Variants in SEZ6L observed in about 807,000 individuals in gnomAD.
SEZ6L encodes seizure 6-like protein.
In SEZ6L, 37 loss-of-function variants were observed where a neutral mutation model predicts 106.2. The observed-to-expected ratio is 0.35, with a 90% CI of 0.27 to 0.46. The LOEUF is 0.46. Among genes scored for constraint, SEZ6L ranks in the 20% least tolerant of loss-of-function variants. The pLI is 1.00. For synonymous variants in SEZ6L, 541 were observed against 570.4 expected (o/e 0.95, Z 0.73); for missense variants, 1,172 against 1,332.8 (o/e 0.88, Z 1.88).
At chr22:26,332,026 A>G (rs1215503967) in intron 9 of SEZ6L, among the ~76,000 whole-genome samples, 1 of 152,180 alleles carries the variant, frequency 6.6e-6, no homozygotes, top group African/African-American at 2.4e-5. Flanking sequence ...GATGTCTGTA[A>G]TACAAAAATC....
Position 26,247,563 on chromosome 22 carries a change from G to A in SEZ6L, c.95-44843G>A, listed in dbSNP as rs527315300. Reference sequence around the variant, plus strand: ...GAGAGTGATGCAACTGCAAGCCGAGGAACACCAAGGATTGCCAGGGGCCAC... The same window carrying A: ...GAGAGTGATGCAACTGCAAGCCGAGAAACACCAAGGATTGCCAGGGGCCAC... On this transcript the variant is annotated intron_variant, in intron 1 of 16. Coordinates refer to ENST00000248933, the MANE Select transcript of SEZ6L (RefSeq NM_021115.5). Among the ~76,000 whole-genome samples, 5 of 152,198 alleles carry A rather than the reference G, an allele frequency of 3.3e-5. No homozygotes were observed. In the East Asian group the frequency reaches 9.7e-4, roughly 29 times the overall value.
intron 9 of SEZ6L, among the ~76,000 whole-genome samples, chr22:26,324,233 A>C (rs73158635): frequency 0.1 from 15,186 of 152,148 alleles, 788 homozygotes; most frequent in Middle Eastern, 0.18. Context: ...TACTGCGAAC[A>C]TACATCCATC....
intron 12 of SEZ6L, among the ~76,000 whole-genome samples, chr22:26,361,939 C>T (rs1358754704): frequency 6.6e-6 from 1 of 152,050 alleles, no homozygotes; most frequent in Non-Finnish European, 1.5e-5. Context: ...AGGATATTTT[C>T]AGAGGAATCA....
rs2081907694 is a variant in SEZ6L, at chr22:26,313,582, A to ACACACACACACACACG, written c.1877-167_1877-166insGCACACACACACACAC. 4.0e-5 allele frequency among the ~76,000 whole-genome samples: 3 copies of ACACACACACACACACG among 75,326 alleles called. No individual in the cohort carries two copies. In the South Asian group the frequency reaches 1.6e-3, roughly 40 times the overall value. The allele number at this position is 75,326 out of a possible 152,430, so 49.4% of individuals were successfully genotyped here. ...TCTCATTTAATCATTACACACACACACACACACACACACACACACACGCAC... is the reference window on the plus strand; with the variant it reads ...TCTCATTTAATCATTACACACACACACACACACACACACACGCACACACACACACACACACACGCAC... On this transcript the variant is annotated intron_variant, in intron 8 of 16. Coordinates refer to ENST00000248933, the MANE Select transcript of SEZ6L (RefSeq NM_021115.5).
intron 7 of SEZ6L, 36 bp downstream of exon 7, chr22:26,310,872 G>C: frequency 6.2e-7 from 1 of 1,602,418 alleles, no homozygotes; most frequent in Middle Eastern, 1.7e-4. Context: ...TCTCTTGTGG[G>C]GCTGGGGGTA....
chr22:26,340,429 C>T lies in SEZ6L; in HGVS notation c.2016-7C>T. 1 of 1,608,068 alleles carries T rather than the reference C, an allele frequency of 6.2e-7. No homozygotes were observed. The highest frequency in any genetic ancestry group is 2.2e-5 in the East Asian group (1 of 44,798). On this transcript the variant is annotated splice_polypyrimidine_tract_variant and splice_region_variant and intron_variant, in intron 9 of 16. Transcript: ENST00000248933. Reference sequence around the variant, plus strand: ...CACATGACTCTCCCTCTTCTCTGCCCTCCAAGCCTGAATCTGAGCAACAGT... The same window carrying T: ...CACATGACTCTCCCTCTTCTCTGCCTTCCAAGCCTGAATCTGAGCAACAGT...
chr22:26,200,087 G>T lies in SEZ6L; in HGVS notation c.94+30324G>T, dbSNP rs570498921. 5.3e-5 allele frequency among the ~76,000 whole-genome samples: 8 copies of T among 152,330 alleles called. No homozygotes were observed. In the South Asian group the frequency reaches 1.5e-3, roughly 28 times the overall value. ...GAAATGGTGGGGATGGGACTGGAAT[G>T]TAGCACTGCTTCCCAAGCATTCCTG... On this transcript the variant is annotated intron_variant, in intron 1 of 16. Transcript: ENST00000248933.
Position 26,292,903 on chromosome 22 carries a change from G to C in SEZ6L, c.592G>C (p.Ala198Pro). Reference protein sequence around the residue: ...RKESAVPTTPAPLQISPFTSQ... With the variant: ...RKESAVPTTPPPLQISPFTSQ... ...GGAGAGTGCGGTCCCTACAACACCC[G>C]CACCCCTGCAAATCTCCCCCTTCAC... The change falls in exon 2 of 17, where the codon GCA becomes CCA. Residue 198 changes from alanine (A) to proline (P), a missense_variant. By Grantham distance (27) the Ala-to-Pro change is conservative. Coordinates refer to ENST00000248933, the MANE Select transcript of SEZ6L (RefSeq NM_021115.5). The C allele has an allele frequency of 3.1e-6, 5 of 1,614,068 alleles. No individual in the cohort carries two copies. The highest frequency in any genetic ancestry group is 4.2e-6 in the Non-Finnish European group (5 of 1,179,990).
At position 26,373,631 on chromosome 22, in the gene SEZ6L, T is replaced by C. The variant is rs1185143654; in HGVS notation, c.2827+148T>C. The C allele has an allele frequency of 5.7e-6, 4 of 697,188 alleles. No homozygotes were observed. The Admixed American group carries it at 9.4e-5, about 16-fold the overall frequency. 43.2% of individuals were successfully genotyped at this position (697,188 alleles called of 1,614,324 possible). A position where few individuals can be genotyped will look rare whatever the true frequency, so the allele number is the denominator to read the frequency against. On this transcript the variant is annotated intron_variant, in intron 14 of 16. Transcript: ENST00000248933. ...GCCAAAGATAATCTTAAAATAATAT[T>C]GTAGGGGAAAAAAAATTATGGGATT...
chr22:26,305,076 C>G (rs1195150198), intron 5 of SEZ6L, among the ~76,000 whole-genome samples: 8 of 152,116 alleles, frequency 5.3e-5, no homozygotes, highest in Non-Finnish European at 1.0e-4. Context: ...ATTTGTTTAT[C>G]TAAACATAGA....
Position 26,294,367 on chromosome 22 carries a change from A to G in SEZ6L, c.911A>G (p.Asn304Ser), listed in dbSNP as rs376420402. 12 of 1,613,810 alleles carry G rather than the reference A, an allele frequency of 7.4e-6. No individual in the cohort carries two copies. In the African/African-American group the frequency reaches 1.3e-4, roughly 18 times the overall value. The change falls in exon 3 of 17, where the codon AAC becomes AGC. Residue 304 changes from asparagine (N) to serine (S), a missense_variant. Physicochemically the swap from Asn to Ser is conservative, Grantham distance 46. This residue lies in a region of SEZ6L where 494 missense variants were observed against 445.8 expected (regional missense o/e 1.11). Transcript: ENST00000248933. ...GACTACCCACTGCTGCCCCTCAACA[A>G]CTTTCTGGAGTGCACATACAACGTG... ...SSDYPLLPLNNFLECTYNVTV... is the reference protein window; with the variant it reads ...SSDYPLLPLNSFLECTYNVTV...
intron 1 of SEZ6L, among the ~76,000 whole-genome samples, chr22:26,220,519 CTGTG>C (rs2078433190): frequency 6.6e-6 from 1 of 152,170 alleles, no homozygotes; most frequent in African/African-American, 2.4e-5. Context: ...ACTTAGTTGC[CTGTG>C]TGTTAGTTGC....
intron 16 of SEZ6L, among the ~76,000 whole-genome samples, chr22:26,379,385 G>A (rs1055744536): frequency 6.6e-6 from 1 of 152,244 alleles, no homozygotes; most frequent in African/African-American, 2.4e-5. Flanking sequence ...TTAAAAGGAG[G>A]GGACCCCACA....
intron 9 of SEZ6L, among the ~76,000 whole-genome samples, chr22:26,337,402 T>C (rs946092481): frequency 1.3e-5 from 2 of 152,228 alleles, no homozygotes; most frequent in African/African-American, 4.8e-5. Context: ...TACCAGCGGA[T>C]CAGCTGTGAA....
intron 1 of SEZ6L, among the ~76,000 whole-genome samples, chr22:26,212,822 G>A (rs919878237): frequency 5.3e-5 from 8 of 152,224 alleles, no homozygotes; most frequent in African/African-American, 1.7e-4. Flanking sequence ...AAAGCCAAAT[G>A]TGGTCCCTGG....
At chr22:26,281,821 C>A (rs1022742034) in intron 1 of SEZ6L, among the ~76,000 whole-genome samples, 3 of 152,168 alleles carry the variant, frequency 2.0e-5, no homozygotes, top group Non-Finnish European at 2.9e-5. Context: ...CTGGTAAACA[C>A]CATTCTACCC....
intron 6 of SEZ6L, among the ~76,000 whole-genome samples, chr22:26,310,152 A>C (rs569326840): frequency 6.6e-6 from 1 of 152,344 alleles, no homozygotes; most frequent in South Asian, 2.1e-4. Flanking sequence ...CCTCAGAATA[A>C]ATCCATAAGG....
At chr22:26,261,084 G>GTT (rs59476162) in intron 1 of SEZ6L, among the ~76,000 whole-genome samples, 1 of 151,862 alleles carries the variant, frequency 6.6e-6, no homozygotes, top group Non-Finnish European at 1.5e-5. Flanking sequence ...GGGATTATTT[G>GTT]TTTTTTTCTT....
intron 1 of SEZ6L, among the ~76,000 whole-genome samples, chr22:26,183,452 A>G (rs149954060): frequency 2.6e-5 from 4 of 152,322 alleles, no homozygotes; most frequent in African/African-American, 7.2e-5. Flanking sequence ...GTTGGGAGCC[A>G]TGAATTTCTG....
Sources: gnomAD v4.1 joint callset for allele counts (sites outside exome capture counted in the v4.1 genomes callset) on GRCh38, gnomAD v4.1.1 for gene constraint, gnomAD v4.1.1 regional missense constraint, MANE v1.5 for transcripts, NCBI Gene and HGNC (gene_info 2026-07-23, HGNC 2026-07-21) for gene names.